Variants in NPC1L1 observed in about 807,000 individuals in gnomAD.
NPC1L1 encodes the protein NPC1-like intracellular cholesterol transporter 1.
A neutral mutation model predicts 117.0 loss-of-function variants in NPC1L1; 98 were observed. The ratio of observed to expected loss-of-function variants is 0.84; its 90% CI spans 0.71 to 0.99. The LOEUF (loss-of-function observed/expected upper bound fraction) is 0.99. NPC1L1 is among the 50% of genes least tolerant of loss of function. The pLI, the probability that NPC1L1 is intolerant of heterozygous loss-of-function variation, is 0.00. For missense variants in NPC1L1, 1,540 were observed against 1,710.0 expected, an observed-to-expected ratio of 0.90 and a Z score of 1.75; for synonymous variants, 729 against 727.6, an observed-to-expected ratio of 1.00 and a Z score of -0.03.
In NPC1L1 at chr7:44,522,145, C is replaced by A. The variant is rs1801379227; in HGVS notation, c.2735G>T (p.Ser912Ile). The A allele has an allele frequency of 1.9e-6, 3 of 1,613,984 alleles. No homozygotes were observed. Among genetic ancestry groups the A allele is most frequent in the African/African-American group, 1.3e-5 (1 of 74,984 alleles). Reference sequence around the variant, plus strand: ...GCAGATGGCATTCATCCCAGCCTCGCTGGAGAAGTTGTAGCCCAAGGTGGT... The same window carrying A: ...GCAGATGGCATTCATCCCAGCCTCGATGGAGAAGTTGTAGCCCAAGGTGGT... ...FVTTLGYNFS[S>I]EAGMNAICSS... The change falls in exon 11 of 19, where the codon AGC becomes ATC. Residue 912 changes from serine (S) to isoleucine (I), a missense_variant. Coordinates refer to ENST00000381160, the MANE Select transcript of NPC1L1 (RefSeq NM_001101648.2).
At chr7:44,525,836 C>G (rs1468926403) in intron 10 of NPC1L1, among the ~76,000 whole-genome samples, 1 of 152,140 alleles carries the variant, frequency 6.6e-6, no homozygotes. Context: ...CATCAGAAAC[C>G]TTGAAGCCCA....
intron 10 of NPC1L1, among the ~76,000 whole-genome samples, chr7:44,525,510 C>A (rs1402778910): frequency 6.6e-6 from 1 of 152,136 alleles, no homozygotes; most frequent in Non-Finnish European, 1.5e-5. Context: ...CCCACCTTGG[C>A]CTCCCAAAGT....
At chr7:44,523,148 T>C (rs1801411633) in intron 10 of NPC1L1, among the ~76,000 whole-genome samples, 1 of 152,152 alleles carries the variant, frequency 6.6e-6, no homozygotes, top group Non-Finnish European at 1.5e-5. Context: ...CTCCGCCTCC[T>C]GGGTTCAAGC....
chr7:44,538,939 G>A lies in NPC1L1; in HGVS notation c.1458C>T (p.Cys486=), dbSNP rs1211824564. The change falls in exon 2 of 19, where the codon TGC becomes TGT. Residue 486 remains cysteine, a synonymous_variant. Coordinates refer to ENST00000381160, the MANE Select transcript of NPC1L1 (RefSeq NM_001101648.2). The surrounding 1 kb of genome is among the most constrained non-coding windows in gnomAD (Gnocchi z 5.9). ...GGAAATACTGCAGGAGGCTGTTGAT[G>A]CAGCAGTCGTAGAGACTGGTATTGT... The part of the protein sequence containing the change: ...NPDNTSLYDC[C]INSLLQYFQN... 1.9e-6 allele frequency: 3 copies of A among 1,614,138 alleles called. No individual in the cohort carries two copies. The highest frequency in any genetic ancestry group is 3.3e-5 in the Admixed American group (2 of 60,010).
At chr7:44,524,647 T>C (rs982447673) in intron 10 of NPC1L1, among the ~76,000 whole-genome samples, 4 of 151,920 alleles carry the variant, frequency 2.6e-5, no homozygotes, top group African/African-American at 7.3e-5. Context: ...CCCAGCTACT[T>C]GGGAGGCTGA....
At chr7:44,525,740 G>A (rs1325679582) in intron 10 of NPC1L1, among the ~76,000 whole-genome samples, 1 of 151,936 alleles carries the variant, frequency 6.6e-6, no homozygotes, top group Non-Finnish European at 1.5e-5. Flanking sequence ...AATAAAATAA[G>A]TTTTTTAAAA....
At position 44,534,595 on chromosome 7, in the gene NPC1L1, AC is replaced by A; in HGVS notation, c.2017del (p.Val673TrpfsTer68). ...DSKATLGLGG[V>X]AVVLGAVMAA... ...CATGACTGCTCCCAGGACCACGGCCACCCCGCCGAGGCCCAGCGTGGCCTTG... is the reference window on the plus strand; with the variant it reads ...CATGACTGCTCCCAGGACCACGGCCACCCGCCGAGGCCCAGCGTGGCCTTG... On this transcript the variant is annotated frameshift_variant, in exon 6 of 19. Coordinates refer to ENST00000381160, the MANE Select transcript of NPC1L1 (RefSeq NM_001101648.2). LOFTEE classifies it high-confidence loss of function. The surrounding 1 kb of genome is among the most constrained non-coding windows in gnomAD (Gnocchi z 5.2). 5.0e-6 allele frequency: 8 copies of A among 1,613,730 alleles called. No homozygotes were observed. The highest frequency in any genetic ancestry group is 6.8e-6 in the Non-Finnish European group (8 of 1,179,922).
At chr7:44,520,722 G>T in intron 14 of NPC1L1, 43 bp downstream of exon 14, 1 of 1,584,910 alleles carries the variant, frequency 6.3e-7, no homozygotes, top group Non-Finnish European at 8.7e-7. Context: ...GCCCTCCAGA[G>T]CAACCGATTT....
In NPC1L1 at chr7:44,516,131, T is replaced by G; in HGVS notation, c.3586A>C (p.Thr1196Pro). The change falls in exon 17 of 19, where the codon ACC becomes CCC. Residue 1196 changes from threonine to proline, a missense_variant. Physicochemically the swap from Thr to Pro is conservative, Grantham distance 38. This residue lies in a region of NPC1L1 where 742 missense variants were observed against 873.6 expected (regional missense o/e 0.85). Transcript: ENST00000381160. ...TRSFAISTKP[T>P]WLERAKEATI... ...GCCTCTTTGGCCCTCTCCAGCCAGG[T>G]GGGCTTGGTGCTGATGGCAAAGGAG... 6.2e-7 allele frequency: 1 copy of G among 1,613,042 alleles called. No homozygotes were observed. The highest frequency in any genetic ancestry group is 8.5e-7 in the Non-Finnish European group (1 of 1,179,582).
chr7:44,529,832 G>C (rs1182638573), intron 10 of NPC1L1, among the ~76,000 whole-genome samples: 2 of 150,926 alleles, frequency 1.3e-5, no homozygotes, highest in Non-Finnish European at 3.0e-5. Context: ...TCCAGAGTTC[G>C]AGACCAGCCT....
At chr7:44,513,838 A>G (rs1316564302) in intron 18 of NPC1L1, among the ~76,000 whole-genome samples, 189 bp from the exon 19 acceptor site, 1 of 152,174 alleles carries the variant, frequency 6.6e-6, no homozygotes, top group East Asian at 1.9e-4. Flanking sequence ...TCCCCCAAGC[A>G]TTTTGGGAAC....
chr7:44,513,421 G>T lies in NPC1L1; in HGVS notation c.*26C>A. The T allele has an allele frequency of 2.5e-6, 4 of 1,610,452 alleles. No individual in the cohort carries two copies. Among genetic ancestry groups the T allele is most frequent in the Non-Finnish European group, 3.4e-6 (4 of 1,176,754 alleles). ...CATAACCCTTTGGTTCAGGGCCATA[G>T]AGCCTAGACAGGGCCTCTGGCTGTA... On this transcript the variant is annotated 3_prime_UTR_variant, in exon 19 of 19. Transcript: ENST00000381160.
At chr7:44,524,623 C>A (rs562214252) in intron 10 of NPC1L1, among the ~76,000 whole-genome samples, 4 of 152,036 alleles carry the variant, frequency 2.6e-5, no homozygotes, top group Non-Finnish European at 5.9e-5. Context: ...AGCATGGTGG[C>A]AGGCACCTGT....
chr7:44,538,571 C>T lies in NPC1L1; in HGVS notation c.1580+246G>A, dbSNP rs557304610. On this transcript the variant is annotated intron_variant, in intron 2 of 18. Coordinates refer to ENST00000381160, the MANE Select transcript of NPC1L1 (RefSeq NM_001101648.2). The surrounding 1 kb of genome is among the most constrained non-coding windows in gnomAD (Gnocchi z 5.9). The stretch of plus-strand genomic sequence containing the variant: ...AATCTGCAGAAAGACAGAGTGGACT[C>T]GGGGTTGAAGGGCCAGCGATGGCCA... Among the ~76,000 whole-genome samples the T allele has an allele frequency of 3.3e-5, 5 of 152,338 alleles. No individual in the cohort carries two copies. Among genetic ancestry groups the T allele is most frequent in the East Asian group, 1.9e-4 (1 of 5,186 alleles).
Position 44,515,968 on chromosome 7 carries a change from G to A in NPC1L1, c.3634-3C>T. 6.2e-7 allele frequency: 1 copy of A among 1,613,784 alleles called. No homozygotes were observed. Among genetic ancestry groups the A allele is most frequent in the South Asian group, 1.1e-5 (1 of 91,010 alleles). The stretch of plus-strand genomic sequence containing the variant: ...GTCATGGCCACACCTGCAAACACCT[G>A]GGGGGTTCAGAGCCAGGTGTCAGGC... On this transcript the variant is annotated splice_polypyrimidine_tract_variant and splice_region_variant and intron_variant, in intron 17 of 18. Coordinates refer to ENST00000381160, the MANE Select transcript of NPC1L1 (RefSeq NM_001101648.2).
intron 8 of NPC1L1, 150 bp from the exon 9 acceptor site, chr7:44,532,367 A>C: frequency 2.3e-6 from 2 of 853,398 alleles, no homozygotes; most frequent in Non-Finnish European, 3.6e-6. Context: ...CTTTGCTTTT[A>C]TTTTAATCTT....
chr7:44,516,279 C>T (rs1198427579), intron 16 of NPC1L1, 82 bp from the exon 17 acceptor site: 10 of 1,176,636 alleles, frequency 8.5e-6, no homozygotes, highest in East Asian at 7.6e-5. Context: ...CCAGGACCAG[C>T]GTGGGGCAGG....
intron 10 of NPC1L1, among the ~76,000 whole-genome samples, chr7:44,526,546 CAAAA>C (rs372498105): frequency 5.9e-4 from 40 of 68,346 alleles, no homozygotes; most frequent in Admixed American, 5.0e-3. Context: ...GACTCCATCT[CAAAA>C]AAAAAAAAAA....
intron 2 of NPC1L1, among the ~76,000 whole-genome samples, chr7:44,537,609 C>T (rs1017137892): frequency 3.3e-5 from 5 of 152,202 alleles, no homozygotes; most frequent in Admixed American, 6.5e-5. Flanking sequence ...CTCTCTACCC[C>T]CCTCTCTCAG....
Sources: allele counts gnomAD v4.1 joint callset (sites outside exome capture counted in the v4.1 genomes callset), GRCh38; gene constraint gnomAD v4.1.1; regional missense constraint gnomAD v4.1.1; non-coding constraint Gnocchi (gnomAD v3.1); transcripts MANE v1.5; gene names NCBI Gene and HGNC (gene_info 2026-07-23, HGNC 2026-07-21).